Variants in LCP2 observed in about 807,000 individuals in gnomAD.
The protein encoded by LCP2 is 76 kDa tyrosine phosphoprotein.
In LCP2, 29 loss-of-function variants were observed where a neutral mutation model predicts 74.5. The observed-to-expected ratio is 0.39, with a 90% CI of 0.29 to 0.53. LCP2 has a LOEUF of 0.53. LCP2 is among the 20% of genes least tolerant of loss of function. LCP2 has a pLI of 0.72. For missense variants in LCP2, 604 were observed against 634.6 expected (o/e 0.95, Z 0.52); for synonymous variants, 228 against 229.5 (o/e 0.99, Z 0.06).
chr5:170,275,911 C>G, intron 3 of LCP2, 51 bp from the exon 4 acceptor site: 1 of 1,472,008 alleles, frequency 6.8e-7, no homozygotes, highest in African/African-American at 1.4e-5. Flanking sequence ...TCAGTCTCAA[C>G]CTTCCCCCTG....
At chr5:170,258,783 G>T in intron 15 of LCP2, 83 bp downstream of exon 15, 1 of 945,038 alleles carries the variant, frequency 1.1e-6, no homozygotes, top group Non-Finnish European at 1.7e-6. Flanking sequence ...TGGGGTTCCT[G>T]TACTAAACAA....
chr5:170,293,254 T>C (rs1762319658), intron 2 of LCP2, 56 bp downstream of exon 2: 5 of 1,538,446 alleles, frequency 3.3e-6, no homozygotes, highest in African/African-American at 2.7e-5. Context: ...CCTGCAGCCA[T>C]GGGGAAAAGT....
chr5:170,273,922 G>C (rs551648661), intron 6 of LCP2: 5 of 145,176 alleles, frequency 3.4e-5, no homozygotes, highest in African/African-American at 3.0e-4. Context: ...TTTGGAGACG[G>C]GGGGGTAGTG....
At chr5:170,272,592 A>ATTTTT (rs1761913090) in intron 6 of LCP2, among the ~76,000 whole-genome samples, 31 of 34,256 alleles carry the variant, frequency 9.0e-4, no homozygotes, top group South Asian at 1.9e-3. Flanking sequence ...CCCATCAAAT[A>ATTTTT]TTTTCTTTTT....
chr5:170,270,631 G>T, intron 7 of LCP2, 88 bp downstream of exon 7: 1 of 1,225,768 alleles, frequency 8.2e-7, no homozygotes, highest in Non-Finnish European at 1.1e-6. Context: ...CTGCTACATG[G>T]GCAAGCTGGG....
chr5:170,297,525 A>G lies in LCP2; in HGVS notation c.78+9T>C, dbSNP rs1474819634. 1.9e-6 allele frequency: 3 copies of G among 1,611,392 alleles called. No individual in the cohort carries two copies. In the Admixed American group the frequency reaches 5.0e-5, roughly 27 times the overall value. ...GCATCATGACCATTCACACAAGAGCAAGGCTTACCTTCTTGAAATAGTCAG... is the reference window on the plus strand; with the variant it reads ...GCATCATGACCATTCACACAAGAGCGAGGCTTACCTTCTTGAAATAGTCAG... On this transcript the variant is annotated intron_variant, in intron 1 of 20. Coordinates refer to ENST00000046794, the MANE Select transcript of LCP2 (RefSeq NM_005565.5).
At chr5:170,268,143 A>C (rs1306378904) in intron 8 of LCP2, among the ~76,000 whole-genome samples, 5 of 152,084 alleles carry the variant, frequency 3.3e-5, no homozygotes, top group Non-Finnish European at 5.9e-5. Flanking sequence ...CTTTGGGTTT[A>C]TTTTACAGTT....
chr5:170,287,512 C>T (rs892640080), intron 3 of LCP2, among the ~76,000 whole-genome samples: 2 of 152,210 alleles, frequency 1.3e-5, no homozygotes, highest in South Asian at 4.1e-4. Flanking sequence ...CTCAACATAA[C>T]ACCCCTGTCA....
At chr5:170,291,131 G>A (rs1334590035) in intron 2 of LCP2, among the ~76,000 whole-genome samples, 1 of 118,494 alleles carries the variant, frequency 8.4e-6, no homozygotes, top group Non-Finnish European at 2.0e-5. Flanking sequence ...AAGGGGAGAG[G>A]GGAGGACAAG....
chr5:170,281,847 C>T (rs1762111425), intron 3 of LCP2, among the ~76,000 whole-genome samples: 2 of 152,220 alleles, frequency 1.3e-5, no homozygotes. Context: ...CTAATTGCTG[C>T]CTGCACCACC....
intron 3 of LCP2, among the ~76,000 whole-genome samples, chr5:170,279,083 T>C (rs1266344255): frequency 1.3e-5 from 2 of 152,120 alleles, no homozygotes; most frequent in Non-Finnish European, 2.9e-5. Context: ...TCATTCTCCC[T>C]TCACCCCATA....
At chr5:170,284,909 C>G (rs542556887) in intron 3 of LCP2, among the ~76,000 whole-genome samples, 3 of 152,192 alleles carry the variant, frequency 2.0e-5, no homozygotes, top group South Asian at 2.1e-4. Flanking sequence ...TGCCACCAAG[C>G]CTGGTGAATT....
chr5:170,266,969 T>C, intron 9 of LCP2, 40 bp downstream of exon 9: 1 of 1,612,438 alleles, frequency 6.2e-7, no homozygotes, highest in Non-Finnish European at 8.5e-7. Flanking sequence ...GGGGAGTGCC[T>C]GGTGGGAACA....
chr5:170,286,307 T>C (rs1762182436), intron 3 of LCP2, among the ~76,000 whole-genome samples: 1 of 152,200 alleles, frequency 6.6e-6, no homozygotes, highest in Non-Finnish European at 1.5e-5. Context: ...CATCTTTCAC[T>C]TGTTTCTAAA....
At chr5:170,296,668 T>C (rs1762391083) in intron 1 of LCP2, among the ~76,000 whole-genome samples, 2 of 152,194 alleles carry the variant, frequency 1.3e-5, no homozygotes, top group Admixed American at 6.5e-5. Context: ...TATAACTAAG[T>C]CATGTGGCTT....
chr5:170,296,240 T>C (rs966321570), intron 1 of LCP2, among the ~76,000 whole-genome samples: 2 of 152,194 alleles, frequency 1.3e-5, no homozygotes, highest in African/African-American at 4.8e-5. Context: ...CAATATTTGC[T>C]GAAATCTAAG....
chr5:170,248,707 C>G lies in LCP2; in HGVS notation c.1592G>C (p.Gly531Ala). The G allele has an allele frequency of 6.2e-7, 1 of 1,611,834 alleles. No homozygotes were observed. Among genetic ancestry groups the G allele is most frequent in the Non-Finnish European group, 8.5e-7 (1 of 1,179,058 alleles). ...CTCGGCTATAACTTGCTATGGGTAC[C>G]CTGCAGCATGCGTTAATGTGCACTG... ...RYQCTLTHAA[G>A]YP is the part of the protein sequence containing the mutation. The change falls in exon 21 of 21, where the codon GGG (glycine) becomes GCG (alanine). Residue 531 changes from glycine to alanine, a missense_variant. By Grantham distance (60) the Gly-to-Ala change is moderately conservative. Transcript: ENST00000046794.
At chr5:170,286,886 G>C (rs1762191253) in intron 3 of LCP2, among the ~76,000 whole-genome samples, 1 of 152,178 alleles carries the variant, frequency 6.6e-6, no homozygotes, top group Admixed American at 6.5e-5. Flanking sequence ...GGTCCTTATA[G>C]AATGTCCAGA....
At chr5:170,278,852 T>C (rs1370815625) in intron 3 of LCP2, among the ~76,000 whole-genome samples, 6 of 152,218 alleles carry the variant, frequency 3.9e-5, no homozygotes, top group African/African-American at 1.4e-4. Context: ...GTCCTGGCAG[T>C]TGGCTTGCAG....
Sources: gnomAD v4.1 joint callset for allele counts (sites outside exome capture counted in the v4.1 genomes callset) on GRCh38, gnomAD v4.1.1 for gene constraint, MANE v1.5 for transcripts, NCBI Gene and HGNC (gene_info 2026-07-23, HGNC 2026-07-21) for gene names.